The following COX6C variants were observed in gnomAD, a reference collection of about 807,000 sequenced individuals.
COX6C encodes the protein cytochrome c oxidase polypeptide VIc.
Under a neutral mutation model 6.9 loss-of-function variants are expected in COX6C, and 3 were observed. The observed-to-expected ratio is 0.43, with a 90% CI of 0.20 to 1.12. The LOEUF is 1.12. COX6C is among the 50% of genes most tolerant of loss of function. COX6C has a pLI of 0.27. For missense variants in COX6C, 101 were observed against 97.3 expected (o/e 1.04, Z -0.16); for synonymous variants, 32 against 32.0 (o/e 1.00, Z 0.00).
intron 3 of COX6C, among the ~76,000 whole-genome samples, chr8:99,885,677 A>C (rs577121246): frequency 3.3e-5 from 5 of 152,346 alleles, no homozygotes; most frequent in African/African-American, 1.2e-4. Context: ...AAGAGCTAAA[A>C]CTATAAAAGT....
At position 99,891,891 on chromosome 8, in the gene COX6C, G is replaced by C; in HGVS notation, c.114+17C>G. 1 of 1,608,034 alleles carries C rather than the reference G, an allele frequency of 6.2e-7. No homozygotes were observed. Among genetic ancestry groups the C allele is most frequent in the Non-Finnish European group, 8.5e-7 (1 of 1,174,720 alleles). The stretch of plus-strand genomic sequence containing the variant: ...CATACTTTATGACCTTCGGCACAAA[G>C]TAAAAAACATACATACCTTATACAA... On this transcript the variant is annotated intron_variant, in intron 2 of 3. Coordinates refer to ENST00000520468, the MANE Select transcript of COX6C (RefSeq NM_004374.4).
intron 2 of COX6C, among the ~76,000 whole-genome samples, chr8:99,888,723 A>T (rs963821142): frequency 6.6e-6 from 1 of 152,254 alleles, no homozygotes; most frequent in African/African-American, 2.4e-5. Context: ...TTCAAGCCTA[A>T]AACAGCCTGA....
chr8:99,880,205 T>A (rs1459106089), intron 3 of COX6C, among the ~76,000 whole-genome samples: 1 of 152,038 alleles, frequency 6.6e-6, no homozygotes, highest in African/African-American at 2.4e-5. Flanking sequence ...ATGCCTGAAT[T>A]TCACAAAAGA....
chr8:99,879,180 T>C (rs577103276), intron 3 of COX6C, among the ~76,000 whole-genome samples: 2 of 152,334 alleles, frequency 1.3e-5, no homozygotes, highest in South Asian at 4.1e-4. Flanking sequence ...ATACATGCTA[T>C]CAAATCAGTT....
intron 3 of COX6C, among the ~76,000 whole-genome samples, chr8:99,884,892 C>T (rs1243303693): frequency 6.6e-6 from 1 of 152,172 alleles, no homozygotes; most frequent in East Asian, 1.9e-4. Flanking sequence ...GATTGGAATA[C>T]TTAATATTGT....
chr8:99,883,536 T>C (rs756602911), intron 3 of COX6C, among the ~76,000 whole-genome samples: 1 of 150,462 alleles, frequency 6.6e-6, no homozygotes, highest in Admixed American at 6.6e-5. Context: ...TTCTGGATTA[T>C]AGTGATCCTC....
At chr8:99,882,225 C>A (rs927243525) in intron 3 of COX6C, among the ~76,000 whole-genome samples, 1 of 152,116 alleles carries the variant, frequency 6.6e-6, no homozygotes, top group Non-Finnish European at 1.5e-5. Flanking sequence ...TTGAACAACA[C>A]TACAAATCAA....
chr8:99,878,709 TTTAAA>T (rs766245647), intron 3 of COX6C: 10 of 152,046 alleles, frequency 6.6e-5, no homozygotes, highest in Non-Finnish European at 1.2e-4. Flanking sequence ...ATCTAACAAA[TTTAAA>T]TTAGCCTATT....
intron 3 of COX6C, among the ~76,000 whole-genome samples, chr8:99,881,119 G>T (rs1308094351): frequency 6.6e-6 from 1 of 152,158 alleles, no homozygotes; most frequent in Non-Finnish European, 1.5e-5. Flanking sequence ...CAGGACTTTG[G>T]GAGGCCCAGG....
intron 1 of COX6C, chr8:99,892,946 C>G (rs1252960522): frequency 6.6e-6 from 1 of 152,210 alleles, no homozygotes. Flanking sequence ...CCATTAAAAC[C>G]TGGACGGGAA....
At position 99,890,815 on chromosome 8, in the gene COX6C, A is replaced by T. The variant is rs796587359; in HGVS notation, c.114+1093T>A. ...TAAAGGGCATAACAAAATCCACATT[A>T]GGCAGAGTGTTAAAACGCAATTCTG... On this transcript the variant is annotated intron_variant, in intron 2 of 3. Transcript: ENST00000520468. Among the ~76,000 whole-genome samples the T allele has an allele frequency of 1.4e-4, 21 of 152,386 alleles. 1 individual carries two copies. Among genetic ancestry groups the T allele is most frequent in the African/African-American group, 4.8e-4 (20 of 41,602 alleles).
chr8:99,884,728 C>T (rs151010591), intron 3 of COX6C, among the ~76,000 whole-genome samples: 513 of 152,208 alleles, frequency 3.4e-3, no homozygotes, highest in African/African-American at 0.012. Flanking sequence ...TATACAGCTA[C>T]GTTTTTTCCT....
At chr8:99,885,588 C>G (rs1817933288) in intron 3 of COX6C, among the ~76,000 whole-genome samples, 3 of 152,190 alleles carry the variant, frequency 2.0e-5, no homozygotes, top group Admixed American at 2.0e-4. Flanking sequence ...TTCGGGAAAA[C>G]TGGATACCAC....
intron 2 of COX6C, 53 bp from the exon 3 acceptor site, chr8:99,887,671 T>C: frequency 8.3e-7 from 1 of 1,211,196 alleles, no homozygotes; most frequent in Non-Finnish European, 1.2e-6. Flanking sequence ...GGAAATTAGA[T>C]TCCAGATTAT....
At position 99,889,440 on chromosome 8, in the gene COX6C, T is replaced by C. The variant is rs148923371; in HGVS notation, c.115-1822A>G. On this transcript the variant is annotated intron_variant, in intron 2 of 3. Transcript: ENST00000520468. ...CGCTCTTGTTGCCCAGGCTGGAGTGTAATGGTGCGAACTCGGCTCACTGTA... is the reference window on the plus strand; with the variant it reads ...CGCTCTTGTTGCCCAGGCTGGAGTGCAATGGTGCGAACTCGGCTCACTGTA... Among the ~76,000 whole-genome samples the C allele has an allele frequency of 3.6e-3, 546 of 150,170 alleles. 3 individuals are homozygous for C. The highest frequency in any genetic ancestry group is 0.013 in the African/African-American group (510 of 40,670).
chr8:99,882,989 T>C (rs1013762063), intron 3 of COX6C, among the ~76,000 whole-genome samples: 1 of 152,126 alleles, frequency 6.6e-6, no homozygotes, highest in African/African-American at 2.4e-5. Flanking sequence ...GGTTTCGCCA[T>C]GTTGCCCAGG....
At chr8:99,878,478 CTT>C (rs1430259919) in intron 3 of COX6C, 1 of 152,182 alleles carries the variant, frequency 6.6e-6, no homozygotes, top group African/African-American at 2.4e-5. Flanking sequence ...TGAATAGCCT[CTT>C]TTCCATTTTG....
chr8:99,878,326 T>C (rs983596956), intron 3 of COX6C, 61 bp from the exon 4 acceptor site: 2 of 152,170 alleles, frequency 1.3e-5, no homozygotes, highest in African/African-American at 2.4e-5. Context: ...CTCACCATCT[T>C]TGAGGATCAA....
At chr8:99,886,048 A>C (rs1204164158) in intron 3 of COX6C, 1 of 152,200 alleles carries the variant, frequency 6.6e-6, no homozygotes, top group Non-Finnish European at 1.5e-5. Flanking sequence ...GCAAATCAAA[A>C]CCACAATGAT....
Sources: gnomAD v4.1 joint callset for allele counts (sites outside exome capture counted in the v4.1 genomes callset) on GRCh38, gnomAD v4.1.1 for gene constraint, MANE v1.5 for transcripts, NCBI Gene and HGNC (gene_info 2026-07-23, HGNC 2026-07-21) for gene names.